UGT2B28: variants seen among roughly 807,000 people sequenced by gnomAD.
The protein encoded by UGT2B28 is UDP-glucuronosyltransferase 2B28.
UGT2B28 carries 45 observed loss-of-function variants against 43.6 expected under a neutral mutation model. That is an observed-to-expected ratio of 1.03 (90% CI 0.81 to 1.32). The LOEUF is 1.32. UGT2B28 is among the 40% of genes most tolerant of loss of function. The pLI, the probability that UGT2B28 is intolerant of heterozygous loss-of-function variation, is 0.00. For synonymous variants in UGT2B28, 204 were observed against 208.1 expected, an observed-to-expected ratio of 0.98 and a Z score of 0.17; for missense variants, 649 against 625.5, an observed-to-expected ratio of 1.04 and a Z score of -0.40.
At chr4:69,292,657 T>C (rs1455246105) in intron 5 of UGT2B28, among the ~76,000 whole-genome samples, 1 of 139,838 alleles carries the variant, frequency 7.2e-6, no homozygotes, top group African/African-American at 2.8e-5. Context: ...AATACACATA[T>C]ATGTATTGTA....
chr4:69,294,841 A>T lies in UGT2B28; in HGVS notation c.*32A>T. On this transcript the variant is annotated 3_prime_UTR_variant, in exon 6 of 6. Transcript: ENST00000335568. ...CTGACATTTGAAGCTGGAAAACCAG[A>T]TAGATGGGTTGACATCAGTTTATTC... 1 of 1,524,134 alleles carries T rather than the reference A, an allele frequency of 6.6e-7. No individual in the cohort carries two copies. Among genetic ancestry groups the T allele is most frequent in the Non-Finnish European group, 8.8e-7 (1 of 1,138,798 alleles). 94.4% of individuals were successfully genotyped at this position (1,524,134 alleles called of 1,614,324 possible).
intron 2 of UGT2B28, among the ~76,000 whole-genome samples, chr4:69,283,186 T>G (rs1407636117): frequency 2.9e-5 from 4 of 139,280 alleles, no homozygotes; most frequent in African/African-American, 1.1e-4. Context: ...CTGAACAATA[T>G]GCAGAAATAG....
rs1411379465 is a variant in UGT2B28 at position 69,294,820 on chromosome 4, C to T, written c.*11C>T. The stretch of plus-strand genomic sequence containing the variant: ...GGAAAAAGAGATTAGTTATGTCTGA[C>T]ATTTGAAGCTGGAAAACCAGATAGA... On this transcript the variant is annotated 3_prime_UTR_variant, in exon 6 of 6. Transcript: ENST00000335568. 2.6e-6 allele frequency: 4 copies of T among 1,534,164 alleles called. No homozygotes were observed. The East Asian group carries it at 9.3e-5, about 36-fold the overall frequency.
chr4:69,283,655 T>C (rs1723687589), intron 2 of UGT2B28, among the ~76,000 whole-genome samples: 1 of 140,980 alleles, frequency 7.1e-6, no homozygotes, highest in African/African-American at 2.8e-5. Context: ...CTCTGGGATA[T>C]AGTCAGTGAC....
chr4:69,283,374 A>G (rs1184015427), intron 2 of UGT2B28, among the ~76,000 whole-genome samples: 1 of 140,086 alleles, frequency 7.1e-6, no homozygotes, highest in African/African-American at 2.8e-5. Flanking sequence ...ACATTGAAAA[A>G]CTACTAAAAA....
intron 3 of UGT2B28, among the ~76,000 whole-genome samples, chr4:69,289,392 T>C (rs557049829): frequency 7.1e-6 from 1 of 140,966 alleles, no homozygotes; most frequent in East Asian, 2.0e-4. Flanking sequence ...GGTAGGTCTT[T>C]TTTTAAAAAG....
Position 69,280,936 on chromosome 4 carries a change from G to C in UGT2B28, c.436G>C (p.Asp146His). 2 of 1,560,358 alleles carry C rather than the reference G, an allele frequency of 1.3e-6. 1 individual carries two copies. The highest frequency in any genetic ancestry group is 1.7e-6 in the Non-Finnish European group (2 of 1,155,724). ...VMKKLQESRF[D>H]IIFADAFFPC... ...GAAAAAACTACAAGAGTCAAGATTTGACATCATTTTTGCAGATGCTTTTTT... is the reference window on the plus strand; with the variant it reads ...GAAAAAACTACAAGAGTCAAGATTTCACATCATTTTTGCAGATGCTTTTTT... Residue 146 changes from aspartate (D) to histidine (H), a missense_variant, in exon 1 of 6, where the codon GAC becomes CAC. Asp to His is a moderately conservative substitution (Grantham distance 81, BLOSUM62 -1). Coordinates refer to ENST00000335568, the MANE Select transcript of UGT2B28 (RefSeq NM_053039.2).
chr4:69,289,636 G>T lies in UGT2B28; in HGVS notation c.1003-29G>T, dbSNP rs774852603. The T allele has an allele frequency of 2.6e-6, 4 of 1,514,652 alleles. 1 individual carries two copies. Among genetic ancestry groups the T allele is most frequent in the Non-Finnish European group, 3.5e-6 (4 of 1,130,346 alleles). The allele number at this position is 1,514,652 out of a possible 1,614,324, so 93.8% of individuals were successfully genotyped here. On this transcript the variant is annotated intron_variant, in intron 3 of 5. Transcript: ENST00000335568. ...TCTATAATTTTTGAGTTCCACTCAT[G>T]GAATAAGATATTCTCTTTACTGTAA...
intron 3 of UGT2B28, among the ~76,000 whole-genome samples, chr4:69,287,583 G>T (rs1184350892): frequency 7.1e-6 from 1 of 140,264 alleles, no homozygotes; most frequent in African/African-American, 2.8e-5. Flanking sequence ...GATGGAGATG[G>T]ATCCTGACCT....
rs574552084 is a variant in UGT2B28, at chr4:69,289,302, A to G, written c.1003-363A>G. On this transcript the variant is annotated intron_variant, in intron 3 of 5. Coordinates refer to ENST00000335568, the MANE Select transcript of UGT2B28 (RefSeq NM_053039.2). ...GCCATTCTGACTAGTGTGAGATGTT[A>G]TCTCATTATGGTTTTGATTTGAATT... Among the ~76,000 whole-genome samples the G allele has an allele frequency of 5.7e-5, 8 of 140,200 alleles. No individual in the cohort carries two copies. The South Asian group carries it at 1.7e-3, about 29-fold the overall frequency. The allele number at this position is 140,200 out of a possible 152,430, so 92.0% of individuals were successfully genotyped here.
chr4:69,281,415 G>A (rs1276762280), intron 1 of UGT2B28, among the ~76,000 whole-genome samples, 194 bp downstream of exon 1: 1 of 139,932 alleles, frequency 7.1e-6, no homozygotes, highest in Non-Finnish European at 1.5e-5. Context: ...AAAACCCTGT[G>A]GCCATCACTC....
chr4:69,284,559 C>A (rs1328966390), intron 2 of UGT2B28, among the ~76,000 whole-genome samples: 1 of 140,118 alleles, frequency 7.1e-6, no homozygotes, highest in African/African-American at 2.8e-5. Context: ...CTACACTACT[C>A]TTGAAAGATT....
Position 69,294,625 on chromosome 4 carries a change from G to A in UGT2B28, c.1406G>A (p.Cys469Tyr), listed in dbSNP as rs72552705. ...RAVFWIEFVM[C>Y]HKGAKHLRVA... Reference sequence around the variant, plus strand: ...GTCTTCTGGATTGAATTTGTGATGTGCCACAAAGGAGCCAAACACCTTCGA... The same window carrying A: ...GTCTTCTGGATTGAATTTGTGATGTACCACAAAGGAGCCAAACACCTTCGA... Residue 469 changes from cysteine to tyrosine, a missense_variant, in exon 6 of 6, where the codon TGC becomes TAC. Transcript: ENST00000335568. 1.9e-6 allele frequency: 3 copies of A among 1,549,490 alleles called. No individual in the cohort carries two copies. Among genetic ancestry groups the A allele is most frequent in the African/African-American group, 3.1e-5 (2 of 65,236 alleles).
In UGT2B28 at chr4:69,286,834, C is replaced by A. The variant is rs199756063; in HGVS notation, c.953C>A (p.Ala318Glu). 266 of 1,556,640 alleles carry A rather than the reference C, an allele frequency of 1.7e-4. 35 individuals are homozygous for A. The highest frequency in any genetic ancestry group is 2.1e-4 in the Non-Finnish European group (243 of 1,154,508). The change falls in exon 3 of 6, where the codon GCA (alanine) becomes GAA (glutamate). Residue 318 changes from alanine (A) to glutamate (E), a missense_variant. Coordinates refer to ENST00000335568, the MANE Select transcript of UGT2B28 (RefSeq NM_053039.2). ...SLGSVISNMT[A>E]ERANVIATAL... ...GGGTCAGTGATAAGTAACATGACAG[C>A]AGAAAGGGCCAACGTAATTGCAACA...
intron 5 of UGT2B28, among the ~76,000 whole-genome samples, chr4:69,294,114 T>C (rs1204783879): frequency 1.4e-5 from 2 of 140,514 alleles, no homozygotes; most frequent in South Asian, 2.4e-4. Flanking sequence ...GGATTGTTCA[T>C]AATACAAAGG....
At position 69,282,585 on chromosome 4, in the gene UGT2B28, C is replaced by T; in HGVS notation, c.793C>T (p.Gln265Ter). The change falls in exon 2 of 6, where the codon CAA becomes TAA. Residue 265 changes from glutamine (Q) to a stop codon, truncating the protein, a stop_gained. Coordinates refer to ENST00000335568, the MANE Select transcript of UGT2B28 (RefSeq NM_053039.2). LOFTEE classifies it high-confidence loss of function. Reference protein sequence around the residue: ...IWLMRNSWSFQFPHPFLPNID... With the variant: ...IWLMRNSWSF ...GCTTATGCGAAACTCCTGGAGTTTT[C>T]AATTTCCTCATCCATTCTTACCAAA... 1 of 1,556,216 alleles carries T rather than the reference C, an allele frequency of 6.4e-7. No individual in the cohort carries two copies. Among genetic ancestry groups the T allele is most frequent in the Non-Finnish European group, 8.7e-7 (1 of 1,153,940 alleles).
At chr4:69,294,079 C>T (rs1171460760) in intron 5 of UGT2B28, among the ~76,000 whole-genome samples, 1 of 139,754 alleles carries the variant, frequency 7.2e-6, no homozygotes, top group Non-Finnish European at 1.5e-5. Context: ...ACTCATATGC[C>T]TGTTTGAGAA....
intron 3 of UGT2B28, among the ~76,000 whole-genome samples, chr4:69,288,177 C>A (rs563215102): frequency 7.3e-6 from 1 of 137,210 alleles, no homozygotes; most frequent in South Asian, 2.5e-4. Flanking sequence ...CCAAAATTAA[C>A]GATACTGGTA....
intron 5 of UGT2B28, among the ~76,000 whole-genome samples, chr4:69,291,099 C>T (rs1723943784): frequency 7.2e-6 from 1 of 139,242 alleles, no homozygotes; most frequent in Non-Finnish European, 1.5e-5. Context: ...ATAACGAATC[C>T]ATAGTAGAAA....
Sources: allele counts gnomAD v4.1 joint callset (sites outside exome capture counted in the v4.1 genomes callset), GRCh38; gene constraint gnomAD v4.1.1; transcripts MANE v1.5; gene names NCBI Gene and HGNC (gene_info 2026-07-23, HGNC 2026-07-21).